The following STPG2 variants were observed in gnomAD, a reference collection of about 807,000 sequenced individuals.
The protein encoded by STPG2 is sperm tail PG-rich repeat containing 2.
In STPG2, 56 loss-of-function variants were observed where a neutral mutation model predicts 54.2. That is an observed-to-expected ratio of 1.03 (90% CI 0.83 to 1.29). The LOEUF (loss-of-function observed/expected upper bound fraction) is 1.29, where lower values mean the gene tolerates loss of function less well. Ranked by LOEUF, STPG2 falls within the 50% of genes most tolerant of loss-of-function variation. The pLI is 0.00. For missense variants in STPG2, 596 were observed against 544.9 expected, an observed-to-expected ratio of 1.09 and a Z score of -0.93; for synonymous variants, 200 against 181.8, an observed-to-expected ratio of 1.10 and a Z score of -0.81.
intron 4 of STPG2, among the ~76,000 whole-genome samples, chr4:97,507,096 C>T (rs1018421745): frequency 3.9e-5 from 6 of 151,908 alleles, no homozygotes; most frequent in African/African-American, 1.5e-4. Flanking sequence ...GAGGCTGAGG[C>T]AGGAGGATGA....
At chr4:97,918,134 TATATTC>T (rs1242751067) in intron 8 of STPG2, among the ~76,000 whole-genome samples, 3 of 152,032 alleles carry the variant, frequency 2.0e-5, no homozygotes, top group African/African-American at 7.2e-5. Flanking sequence ...CTTGAGTAAT[TATATTC>T]ATAAAAGACT....
Position 97,703,390 on chromosome 4 carries a change from G to GAT in STPG2, c.1320+9307_1320+9308dup, listed in dbSNP as rs373048970. Among the ~76,000 whole-genome samples, 1,255 of 140,144 alleles carry GAT rather than the reference G, an allele frequency of 9.0e-3. 17 individuals carry two copies. The highest frequency in any genetic ancestry group is 0.03 in the African/African-American group (1,145 of 37,894). The allele number at this position is 140,144 out of a possible 152,430, so 91.9% of individuals were successfully genotyped here. A position where few individuals can be genotyped will look rare whatever the true frequency, so the allele number is the denominator to read the frequency against. ...TTCTCTAGAGGGTCAGAACTAATAGGATATATATATATATCCTATTATATA... is the reference window on the plus strand; with the variant it reads ...TTCTCTAGAGGGTCAGAACTAATAGGATATATATATATATATCCTATTATATA... On this transcript the variant is annotated intron_variant, in intron 10 of 10. Transcript: ENST00000295268.
chr4:97,917,581 A>T (rs1731930489), intron 8 of STPG2, among the ~76,000 whole-genome samples: 1 of 152,230 alleles, frequency 6.6e-6, no homozygotes. Flanking sequence ...GTTAAAACTT[A>T]AAATAATATA....
At chr4:97,800,750 CT>C (rs926055309) in intron 9 of STPG2, among the ~76,000 whole-genome samples, 1 of 152,176 alleles carries the variant, frequency 6.6e-6, no homozygotes, top group African/African-American at 2.4e-5. Context: ...TTTCTGCCGC[CT>C]TTTGTTTGGC....
chr4:97,909,927 T>A (rs1054533421), intron 8 of STPG2, among the ~76,000 whole-genome samples: 2 of 152,180 alleles, frequency 1.3e-5, no homozygotes, highest in African/African-American at 4.8e-5. Context: ...ATGATGCCAA[T>A]GCCACTACAC....
intron 5 of STPG2, among the ~76,000 whole-genome samples, chr4:98,084,064 T>C (rs1241557572): frequency 6.6e-6 from 1 of 152,030 alleles, no homozygotes; most frequent in African/African-American, 2.4e-5. Context: ...GGCCAGGTCT[T>C]GAACTCCTGG....
chr4:97,651,562 T>C (rs1722068560), intron 10 of STPG2, among the ~76,000 whole-genome samples: 1 of 152,052 alleles, frequency 6.6e-6, no homozygotes, highest in Admixed American at 6.6e-5. Flanking sequence ...AATAAAAATT[T>C]AAACATCAGA....
chr4:97,803,752 G>C (rs1727467900), intron 9 of STPG2, among the ~76,000 whole-genome samples: 1 of 152,122 alleles, frequency 6.6e-6, no homozygotes, highest in Non-Finnish European at 1.5e-5. Flanking sequence ...TGTTGACCAG[G>C]CTGGTCTCGA....
chr4:98,128,733 G>T, intron 2 of STPG2, 141 bp from the exon 3 acceptor site: 5 of 721,994 alleles, frequency 6.9e-6, no homozygotes, highest in South Asian at 2.5e-5. Flanking sequence ...TGTTTGTTTT[G>T]TTATTGTTTT....
chr4:97,524,462 T>C (rs1731242740), intron 4 of STPG2, among the ~76,000 whole-genome samples: 1 of 151,982 alleles, frequency 6.6e-6, no homozygotes, highest in South Asian at 2.1e-4. Context: ...ATTGTGATTC[T>C]TTTTCTCAAC....
chr4:97,997,314 T>C (rs762279985), intron 5 of STPG2, among the ~76,000 whole-genome samples: 122 of 152,130 alleles, frequency 8.0e-4, no homozygotes, highest in Non-Finnish European at 1.5e-3. Context: ...ACAGGAAGCA[T>C]AGCACCAGCA....
chr4:98,063,316 G>T (rs1344994956), intron 5 of STPG2, among the ~76,000 whole-genome samples: 2 of 152,000 alleles, frequency 1.3e-5, no homozygotes, highest in African/African-American at 4.8e-5. Context: ...GGGCATGGTG[G>T]CACATGCCTG....
chr4:98,017,750 G>A (rs961430047), intron 5 of STPG2, among the ~76,000 whole-genome samples: 12 of 152,156 alleles, frequency 7.9e-5, no homozygotes, highest in African/African-American at 2.9e-4. Context: ...CACATGTTGA[G>A]GGAGGACCTG....
chr4:98,013,170 G>C (rs1171593370), intron 5 of STPG2, among the ~76,000 whole-genome samples: 1 of 152,124 alleles, frequency 6.6e-6, no homozygotes, highest in Non-Finnish European at 1.5e-5. Context: ...AGGGATATTG[G>C]ATTTTATTGA....
intron 7 of STPG2, among the ~76,000 whole-genome samples, chr4:97,968,558 T>A (rs564859259): frequency 4.4e-4 from 67 of 152,144 alleles, no homozygotes; most frequent in Non-Finnish European, 8.7e-4. Context: ...GCAAACCAAA[T>A]CCAGCAGCAT....
intron 9 of STPG2, among the ~76,000 whole-genome samples, chr4:97,805,047 C>T (rs1282685245): frequency 6.6e-6 from 1 of 152,076 alleles, no homozygotes; most frequent in African/African-American, 2.4e-5. Context: ...ATTTCCATCA[C>T]CAACCAACAC....
intron 10 of STPG2, among the ~76,000 whole-genome samples, chr4:97,564,230 G>A (rs540395865): frequency 1.3e-5 from 2 of 152,214 alleles, no homozygotes; most frequent in Admixed American, 1.3e-4. Context: ...TTTAAAGTCT[G>A]TTTTATCAGA....
chr4:97,680,924 A>G (rs1723013139), intron 10 of STPG2, among the ~76,000 whole-genome samples: 1 of 152,076 alleles, frequency 6.6e-6, no homozygotes, highest in Non-Finnish European at 1.5e-5. Flanking sequence ...AGAAACAACT[A>G]AAATAGGAAT....
At chr4:97,928,429 CA>C (rs1732414971) in intron 8 of STPG2, among the ~76,000 whole-genome samples, 1 of 152,132 alleles carries the variant, frequency 6.6e-6, no homozygotes, top group Non-Finnish European at 1.5e-5. Flanking sequence ...ATCATAGTGC[CA>C]TTCCAAATGC....
Sources: gnomAD v4.1 joint callset for allele counts (sites outside exome capture counted in the v4.1 genomes callset) on GRCh38, gnomAD v4.1.1 for gene constraint, MANE v1.5 for transcripts, NCBI Gene and HGNC (gene_info 2026-07-23, HGNC 2026-07-21) for gene names.